The following PRKG1 variants were observed in gnomAD, a reference collection of about 807,000 sequenced individuals.
PRKG1 encodes cGMP-dependent protein kinase 1.
Under a neutral mutation model 88.1 loss-of-function variants are expected in PRKG1, and 35 were observed. The ratio of observed to expected loss-of-function variants is 0.40; its 90% CI spans 0.30 to 0.53. The LOEUF (loss-of-function observed/expected upper bound fraction) is 0.53. Ranked by LOEUF, PRKG1 falls within the 20% of genes least tolerant of loss-of-function variation. The pLI is 0.59. For synonymous variants in PRKG1, 303 were observed against 292.5 expected (o/e 1.04, Z -0.37); for missense variants, 540 against 839.8 (o/e 0.64, Z 4.41).
intron 3 of PRKG1, among the ~76,000 whole-genome samples, chr10:51,663,187 G>A (rs776202519): frequency 1.3e-5 from 2 of 151,990 alleles, no homozygotes; most frequent in African/African-American, 2.4e-5. Context: ...GCCAGATTGG[G>A]CAACACTGGC....
intron 3 of PRKG1, among the ~76,000 whole-genome samples, chr10:51,514,196 C>T (rs1841507532): frequency 6.6e-6 from 1 of 150,872 alleles, no homozygotes; most frequent in Admixed American, 6.6e-5. Flanking sequence ...ATACAAACTA[C>T]CATCAGAGAA....
intron 8 of PRKG1, among the ~76,000 whole-genome samples, chr10:52,146,648 A>G (rs948573345): frequency 2.0e-5 from 3 of 152,202 alleles, no homozygotes; most frequent in African/African-American, 7.2e-5. Context: ...TTAGCAATTT[A>G]CCATGTTAAT....
At chr10:52,257,445 C>G (rs1482298701) in intron 10 of PRKG1, among the ~76,000 whole-genome samples, 1 of 139,838 alleles carries the variant, frequency 7.2e-6, no homozygotes, top group Non-Finnish European at 1.6e-5. Context: ...AAAGGGAAAC[C>G]CCATGTAAGA....
At chr10:51,501,538 A>T (rs1481005150) in intron 3 of PRKG1, among the ~76,000 whole-genome samples, 1 of 152,010 alleles carries the variant, frequency 6.6e-6, no homozygotes, top group African/African-American at 2.4e-5. Context: ...AGCTCTCTCC[A>T]TCTGTGCTTC....
chr10:52,119,317 G>A (rs1903974), intron 7 of PRKG1, among the ~76,000 whole-genome samples: 23,465 of 152,124 alleles, frequency 0.15, 2,684 homozygotes, highest in African/African-American at 0.31. Context: ...CATTTCACAT[G>A]TGAAAAATGA....
intron 7 of PRKG1, among the ~76,000 whole-genome samples, chr10:52,105,569 C>T (rs541932595): frequency 9.2e-5 from 14 of 152,188 alleles, no homozygotes; most frequent in East Asian, 3.9e-4. Context: ...TGAAATCTTT[C>T]GGAGAAGTGA....
chr10:51,280,823 G>A (rs1359707938), intron 2 of PRKG1, among the ~76,000 whole-genome samples: 1 of 152,128 alleles, frequency 6.6e-6, no homozygotes, highest in South Asian at 2.1e-4. Flanking sequence ...TCCTCCTTTA[G>A]CTCAGAGAAG....
chr10:52,007,757 A>T (rs890313205), intron 5 of PRKG1, among the ~76,000 whole-genome samples: 2 of 152,190 alleles, frequency 1.3e-5, no homozygotes, highest in African/African-American at 4.8e-5. Flanking sequence ...ACTTGAACTC[A>T]ATACTTGCCC....
At chr10:51,192,924 G>T (rs1341318429) in intron 2 of PRKG1, among the ~76,000 whole-genome samples, 1 of 151,836 alleles carries the variant, frequency 6.6e-6, no homozygotes, top group African/African-American at 2.4e-5. Flanking sequence ...GGAAAAATCT[G>T]GTCTCTACCA....
intron 3 of PRKG1, among the ~76,000 whole-genome samples, chr10:51,550,170 C>T (rs1053197721): frequency 6.6e-6 from 1 of 152,026 alleles, no homozygotes; most frequent in Non-Finnish European, 1.5e-5. Context: ...CCATTTGTTA[C>T]CTTATTGAAT....
Position 52,015,750 on chromosome 10 carries a change from C to T in PRKG1, c.763-38734C>T, listed in dbSNP as rs144883586. On this transcript the variant is annotated intron_variant, in intron 5 of 17. Transcript: ENST00000373980. The stretch of plus-strand genomic sequence containing the variant: ...TATGACTAAAAGCTTTCAGAATCAT[C>T]CAGGTTATATACTGAATGCTTTGCT... 4.1e-3 allele frequency among the ~76,000 whole-genome samples: 622 copies of T among 152,304 alleles called. 3 individuals carry two copies. Among genetic ancestry groups the T allele is most frequent in the Middle Eastern group, 0.014 (4 of 292 alleles).
intron 3 of PRKG1, among the ~76,000 whole-genome samples, chr10:51,515,242 G>A (rs999328433): frequency 5.9e-5 from 9 of 152,008 alleles, no homozygotes; most frequent in South Asian, 2.1e-4. Flanking sequence ...GTTTTATTTC[G>A]TTCACAAGTC....
At chr10:51,957,856 T>C (rs1589455758) in intron 5 of PRKG1, among the ~76,000 whole-genome samples, 1 of 152,192 alleles carries the variant, frequency 6.6e-6, no homozygotes, top group African/African-American at 2.4e-5. Context: ...CACATTTATA[T>C]TTCCATTAGT....
intron 5 of PRKG1, among the ~76,000 whole-genome samples, chr10:52,001,805 G>T (rs1844607089): frequency 6.6e-6 from 1 of 151,932 alleles, no homozygotes; most frequent in African/African-American, 2.4e-5. Flanking sequence ...TTATTATTAA[G>T]ATTCTTGATT....
Position 51,523,108 on chromosome 10 carries a change from A to AT in PRKG1, c.592+55282dup, listed in dbSNP as rs890624602. ...ACCAGATACTGCGAGGTTGAAGATG[A>AT]TTTTTTTTTTAACATGGCAGTTGCT... On this transcript the variant is annotated intron_variant, in intron 3 of 17. Transcript: ENST00000373980. 2.7e-3 allele frequency among the ~76,000 whole-genome samples: 412 copies of AT among 150,710 alleles called. 6 individuals are homozygous for AT. Among genetic ancestry groups the AT allele is most frequent in the South Asian group, 1.3e-3 (6 of 4,742 alleles).
intron 1 of PRKG1, among the ~76,000 whole-genome samples, chr10:51,128,222 A>T (rs61849730): frequency 0.79 from 120,316 of 151,538 alleles, 48,373 homozygotes; most frequent in South Asian, 0.88. Context: ...AAAAATCCGG[A>T]TAGACTTAGG....
chr10:52,218,023 C>T (rs747931530), intron 9 of PRKG1, among the ~76,000 whole-genome samples: 53 of 151,792 alleles, frequency 3.5e-4, no homozygotes, highest in Non-Finnish European at 5.9e-4. Flanking sequence ...ACCAGCCTGA[C>T]CAACATGGTG....
intron 8 of PRKG1, among the ~76,000 whole-genome samples, chr10:52,150,873 A>T (rs1837893479): frequency 6.6e-6 from 1 of 152,180 alleles, no homozygotes; most frequent in African/African-American, 2.4e-5. Flanking sequence ...AGCAGTTTTT[A>T]AATAGTCAGT....
chr10:51,909,336 G>A (rs2132950570), intron 5 of PRKG1: 2 of 152,248 alleles, frequency 1.3e-5, no homozygotes, highest in South Asian at 4.1e-4. Context: ...ATCATTCTGT[G>A]GGACCAAATG....
Sources: gnomAD v4.1 joint callset for allele counts (sites outside exome capture counted in the v4.1 genomes callset) on GRCh38, gnomAD v4.1.1 for gene constraint, MANE v1.5 for transcripts, NCBI Gene and HGNC (gene_info 2026-07-23, HGNC 2026-07-21) for gene names.